ANGPT1: variants seen among roughly 807,000 people sequenced by gnomAD.
ANGPT1 encodes angiopoietin-1.
ANGPT1 carries 17 observed loss-of-function variants against 62.2 expected under a neutral mutation model. The observed-to-expected ratio is 0.27, with a 90% CI of 0.19 to 0.41. The LOEUF (loss-of-function observed/expected upper bound fraction) is 0.41, where lower values mean the gene tolerates loss of function less well. ANGPT1 is among the 10% of genes least tolerant of loss of function. ANGPT1 has a pLI of 1.00. For missense variants in ANGPT1, 478 were observed against 594.9 expected, an observed-to-expected ratio of 0.80 and a Z score of 2.04; for synonymous variants, 199 against 198.9, an observed-to-expected ratio of 1.00 and a Z score of 0.00.
intron 1 of ANGPT1, among the ~76,000 whole-genome samples, chr8:107,404,152 A>G (rs1305200983): frequency 6.6e-6 from 1 of 152,174 alleles, no homozygotes; most frequent in Non-Finnish European, 1.5e-5. Context: ...TATTTTGTAG[A>G]GAGTAATTCA....
intron 1 of ANGPT1, among the ~76,000 whole-genome samples, chr8:107,405,938 T>C (rs1401887178): frequency 6.6e-6 from 1 of 151,934 alleles, no homozygotes; most frequent in Non-Finnish European, 1.5e-5. Context: ...CATTTTGAAG[T>C]CTTACAACTT....
chr8:107,329,465 C>T (rs1815368585), intron 3 of ANGPT1, among the ~76,000 whole-genome samples: 1 of 151,974 alleles, frequency 6.6e-6, no homozygotes, highest in Non-Finnish European at 1.5e-5. Flanking sequence ...TAAAGGTGGG[C>T]TGAATTAGTG....
intron 5 of ANGPT1, among the ~76,000 whole-genome samples, chr8:107,299,420 T>TATATAAAA (rs1342219214): frequency 8.3e-6 from 1 of 120,430 alleles, no homozygotes; most frequent in Non-Finnish European, 1.8e-5. Flanking sequence ...TATATATATA[T>TATATAAAA]AAACATACAT....
rs745987411 is a variant in ANGPT1, at chr8:107,347,074, G to A, written c.321C>T (p.Asn107=). Reference sequence around the variant, plus strand: ...GTATCTGGGCCATCTCCGACTTCATGTTTTCCACAATGTAATTCTCAAGCT... The same window carrying A: ...GTATCTGGGCCATCTCCGACTTCATATTTTCCACAATGTAATTCTCAAGCT... ...LQKLENYIVE[N]MKSEMAQIQQ... Residue 107 remains asparagine (N), a synonymous_variant, in exon 2 of 9, where the codon AAC becomes AAT. Transcript: ENST00000517746. The A allele has an allele frequency of 1.9e-6, 3 of 1,613,314 alleles. No individual in the cohort carries two copies. Among genetic ancestry groups the A allele is most frequent in the East Asian group, 2.2e-5 (1 of 44,860 alleles).
At chr8:107,310,514 A>T (rs528933201) in intron 4 of ANGPT1, among the ~76,000 whole-genome samples, 50 of 152,304 alleles carry the variant, frequency 3.3e-4, no homozygotes, top group African/African-American at 1.2e-3. Context: ...TATAAGCCAT[A>T]AGTCTGAAAG....
At chr8:107,449,485 C>T (rs536648437) in intron 1 of ANGPT1, among the ~76,000 whole-genome samples, 2 of 151,796 alleles carry the variant, frequency 1.3e-5, no homozygotes, top group Non-Finnish European at 2.9e-5. Context: ...CTCAAATCAA[C>T]AGTTTCACTT....
intron 4 of ANGPT1, among the ~76,000 whole-genome samples, chr8:107,319,200 G>T (rs1048716643): frequency 3.9e-5 from 6 of 152,132 alleles, no homozygotes; most frequent in Non-Finnish European, 8.8e-5. Flanking sequence ...TGGTGAAATA[G>T]ACAGAATTCT....
At chr8:107,449,419 C>CACA (rs1168020572) in intron 1 of ANGPT1, among the ~76,000 whole-genome samples, 2 of 151,422 alleles carry the variant, frequency 1.3e-5, no homozygotes, top group African/African-American at 2.4e-5. Context: ...CACACACACA[C>CACA]ACACACACAG....
intron 1 of ANGPT1, among the ~76,000 whole-genome samples, chr8:107,444,584 T>C (rs997496546): frequency 2.6e-5 from 4 of 152,198 alleles, no homozygotes; most frequent in African/African-American, 9.6e-5. Flanking sequence ...TAATAATGTC[T>C]AGAAAAATCT....
rs1813129442 is a variant in ANGPT1, at chr8:107,497,297, G to C, written c.262C>G (p.His88Asp). The C allele has an allele frequency of 6.2e-7, 1 of 1,614,190 alleles. No homozygotes were observed. Among genetic ancestry groups the C allele is most frequent in the Middle Eastern group, 1.7e-4 (1 of 6,060 alleles). ...FSSQKLQHLE[H>D]VMENYTQWLQ... ...CACTGAGTATAATTTTCCATCACAT[G>C]TTCCAGATGTTGAAGTTTCTGGGAA... Residue 88 changes from histidine to aspartate, a missense_variant, in exon 1 of 9, where the codon CAT becomes GAT. Physicochemically the swap from His to Asp is moderately conservative, Grantham distance 81. Around this residue, in one of 4 missense-constraint regions of ANGPT1, gnomAD observed 343 missense variants for 355.4 expected, o/e 0.97. Coordinates refer to ENST00000517746, the MANE Select transcript of ANGPT1 (RefSeq NM_001146.5).
chr8:107,338,042 G>A (rs879650602), intron 2 of ANGPT1, among the ~76,000 whole-genome samples: 6 of 152,160 alleles, frequency 3.9e-5, no homozygotes, highest in Non-Finnish European at 8.8e-5. Context: ...TTTGCAGTGA[G>A]CCATAATTAT....
At chr8:107,364,971 G>GAAAAAA (rs5893850) in intron 1 of ANGPT1, among the ~76,000 whole-genome samples, 1 of 150,416 alleles carries the variant, frequency 6.6e-6, no homozygotes, top group South Asian at 2.1e-4. Flanking sequence ...GCAGAAGGGG[G>GAAAAAA]AAAAAAAAAG....
At chr8:107,470,606 C>A (rs1398375730) in intron 1 of ANGPT1, among the ~76,000 whole-genome samples, 3 of 152,092 alleles carry the variant, frequency 2.0e-5, no homozygotes, top group Non-Finnish European at 4.4e-5. Context: ...ATGATAATTT[C>A]TTTTGCTGTG....
At chr8:107,470,923 T>C (rs187576073) in intron 1 of ANGPT1, among the ~76,000 whole-genome samples, 6 of 152,218 alleles carry the variant, frequency 3.9e-5, no homozygotes, top group Non-Finnish European at 8.8e-5. Context: ...TGTGGAGAAG[T>C]AGGAACACTT....
rs73699705 is a variant in ANGPT1 at position 107,439,058 on chromosome 8, C to G, written c.297+58204G>C. Reference sequence around the variant, plus strand: ...ATGATAGTGTTTACAATCTAATATACTTTTTATGCTAGTGAACATCACTTG... The same window carrying G: ...ATGATAGTGTTTACAATCTAATATAGTTTTTATGCTAGTGAACATCACTTG... On this transcript the variant is annotated intron_variant, in intron 1 of 8. Transcript: ENST00000517746. Among the ~76,000 whole-genome samples, 409 of 152,178 alleles carry G rather than the reference C, an allele frequency of 2.7e-3. 3 individuals carry two copies. The highest frequency in any genetic ancestry group is 9.4e-3 in the African/African-American group (392 of 41,526).
At chr8:107,464,598 C>T (rs1812154067) in intron 1 of ANGPT1, among the ~76,000 whole-genome samples, 1 of 152,000 alleles carries the variant, frequency 6.6e-6, no homozygotes, top group Non-Finnish European at 1.5e-5. Context: ...GTCAAGAGCT[C>T]AGCCTCTAGA....
chr8:107,284,398 T>G (rs150402816), intron 7 of ANGPT1: 4 of 198,066 alleles, frequency 2.0e-5, no homozygotes, highest in Non-Finnish European at 4.0e-5. Context: ...ATGAATTCAC[T>G]GCAACTGCAT....
intron 4 of ANGPT1, among the ~76,000 whole-genome samples, chr8:107,312,080 AAAG>A (rs1814883834): frequency 6.6e-6 from 1 of 151,938 alleles, no homozygotes; most frequent in Admixed American, 6.6e-5. Flanking sequence ...AAAAAAAAAA[AAAG>A]AATGGGGAAA....
Position 107,452,878 on chromosome 8 carries a change from A to G in ANGPT1, c.297+44384T>C, listed in dbSNP as rs541817822. Among the ~76,000 whole-genome samples the G allele has an allele frequency of 1.1e-4, 16 of 152,144 alleles. 1 individual carries two copies. In the South Asian group the frequency reaches 3.3e-3, roughly 32 times the overall value. On this transcript the variant is annotated intron_variant, in intron 1 of 8. Coordinates refer to ENST00000517746, the MANE Select transcript of ANGPT1 (RefSeq NM_001146.5). ...TTTTTGCTTAGTCTTCCTCATGGAA[A>G]TCTCCATTCACAAGATTTTCACTAA...
Sources: gnomAD v4.1 joint callset for allele counts (sites outside exome capture counted in the v4.1 genomes callset) on GRCh38, gnomAD v4.1.1 for gene constraint, gnomAD v4.1.1 regional missense constraint, MANE v1.5 for transcripts, NCBI Gene and HGNC (gene_info 2026-07-23, HGNC 2026-07-21) for gene names.